Variants in TIAM1 observed in about 807,000 individuals in gnomAD.
TIAM1 encodes TIAM Rac1 associated GEF 1, also known as rho guanine nucleotide exchange factor TIAM1.
TIAM1 carries 65 observed loss-of-function variants against 163.5 expected under a neutral mutation model. That is an observed-to-expected ratio of 0.40 (90% CI 0.33 to 0.49). The LOEUF is 0.49. Ranked by LOEUF, TIAM1 falls within the 20% of genes least tolerant of loss-of-function variation. TIAM1 has a pLI of 0.77. For missense variants in TIAM1, 1,789 were observed against 2,044.7 expected, an observed-to-expected ratio of 0.87 and a Z score of 2.41; for synonymous variants, 833 against 810.1, an observed-to-expected ratio of 1.03 and a Z score of -0.48.
At chr21:31,526,489 AG>A (rs1241507205) in intron 1 of TIAM1, among the ~76,000 whole-genome samples, 1 of 152,354 alleles carries the variant, frequency 6.6e-6, no homozygotes, top group East Asian at 1.9e-4. Context: ...GAACAGAAAA[AG>A]AATTGCTCAG....
At chr21:31,294,861 G>T (rs928626118) in intron 2 of TIAM1, among the ~76,000 whole-genome samples, 1 of 152,172 alleles carries the variant, frequency 6.6e-6, no homozygotes, top group Non-Finnish European at 1.5e-5. Context: ...CGGCCTGAAC[G>T]CATGTTGGCA....
chr21:31,544,288 AG>A (rs1199391024), intron 1 of TIAM1, among the ~76,000 whole-genome samples: 1 of 151,090 alleles, frequency 6.6e-6, no homozygotes, highest in Non-Finnish European at 1.5e-5. Flanking sequence ...TGGGAGGCCC[AG>A]GTAGGCAGAT....
chr21:31,206,961 A>C (rs964305956), intron 11 of TIAM1, among the ~76,000 whole-genome samples: 5 of 152,202 alleles, frequency 3.3e-5, no homozygotes, highest in South Asian at 2.1e-4. Flanking sequence ...ACAAAGTGCT[A>C]TTGTAGAATT....
intron 1 of TIAM1, among the ~76,000 whole-genome samples, chr21:31,469,336 AG>A (rs2045653840): frequency 1.3e-5 from 2 of 152,066 alleles, no homozygotes; most frequent in East Asian, 3.9e-4. Context: ...CCAGGGCTCA[AG>A]CAATCCTCCT....
chr21:31,257,840 G>T (rs1601727281), intron 4 of TIAM1, among the ~76,000 whole-genome samples: 1 of 152,084 alleles, frequency 6.6e-6, no homozygotes, highest in South Asian at 2.1e-4. Flanking sequence ...ACAACCAGAA[G>T]GCTTCTCTGT....
chr21:31,245,398 GCAGT>G (rs1601686822), intron 6 of TIAM1, 86 bp downstream of exon 6: 2 of 421,882 alleles, frequency 4.7e-6, no homozygotes, highest in Non-Finnish European at 7.1e-6. Context: ...AAAAAAAAAA[GCAGT>G]GGAGGGAGAC....
intron 2 of TIAM1, among the ~76,000 whole-genome samples, chr21:31,401,579 C>T (rs1328629558): frequency 6.6e-6 from 1 of 152,172 alleles, no homozygotes; most frequent in Non-Finnish European, 1.5e-5. Flanking sequence ...CCTTGCATCC[C>T]AGCAGAAGCT....
chr21:31,458,593 CT>C (rs1173374440), intron 2 of TIAM1, among the ~76,000 whole-genome samples: 1 of 152,166 alleles, frequency 6.6e-6, no homozygotes, highest in Admixed American at 6.5e-5. Context: ...CTTAGCAGAC[CT>C]GTCTCTGAAT....
chr21:31,420,615 T>C (rs1197506207), intron 2 of TIAM1, among the ~76,000 whole-genome samples: 4 of 152,220 alleles, frequency 2.6e-5, no homozygotes, highest in Non-Finnish European at 5.9e-5. Flanking sequence ...TCTACATCAC[T>C]GTTAGTGTTG....
At chr21:31,152,598 T>TA (rs2083431877) in intron 19 of TIAM1, 38 bp downstream of exon 19, 1 of 1,612,052 alleles carries the variant, frequency 6.2e-7, no homozygotes, top group African/African-American at 1.3e-5. Context: ...TGAGCCACAC[T>TA]ATAGCCCTGA....
chr21:31,295,193 A>G (rs192856875), intron 2 of TIAM1, among the ~76,000 whole-genome samples: 20 of 152,294 alleles, frequency 1.3e-4, no homozygotes, highest in South Asian at 2.1e-4. Flanking sequence ...TTAAAGGGCC[A>G]GGTGCGGTGG....
chr21:31,182,684 A>AT, intron 14 of TIAM1, 39 bp from the exon 15 acceptor site: 2 of 1,584,034 alleles, frequency 1.3e-6, no homozygotes, highest in South Asian at 2.3e-5. Context: ...TTTCACACAC[A>AT]TTATCAGAAC....
chr21:31,407,548 G>T (rs2077267426), intron 2 of TIAM1, among the ~76,000 whole-genome samples: 1 of 151,970 alleles, frequency 6.6e-6, no homozygotes, highest in African/African-American at 2.4e-5. Flanking sequence ...AAAGTCCGTG[G>T]CTCGACCCAT....
chr21:31,350,070 A>G (rs2147114904), intron 2 of TIAM1, among the ~76,000 whole-genome samples: 1 of 152,318 alleles, frequency 6.6e-6, no homozygotes, highest in African/African-American at 2.4e-5. Flanking sequence ...TATTTTGGCA[A>G]AAAGTACAGT....
At chr21:31,523,953 C>T (rs1308196289) in intron 1 of TIAM1, among the ~76,000 whole-genome samples, 1 of 150,970 alleles carries the variant, frequency 6.6e-6, no homozygotes, top group Non-Finnish European at 1.5e-5. Flanking sequence ...ACTCTGCCTG[C>T]TCTGCAGGCA....
At chr21:31,348,437 T>TA (rs1366616739), upstream of TIAM1, among the ~76,000 whole-genome samples, 1 of 152,224 alleles carries the variant, frequency 6.6e-6, no homozygotes, top group African/African-American at 2.4e-5. Context: ...TGTTAGGTGA[T>TA]ACGCAACAGG....
chr21:31,220,992 A>G (rs949828458), intron 8 of TIAM1, among the ~76,000 whole-genome samples: 3 of 152,148 alleles, frequency 2.0e-5, no homozygotes, highest in Non-Finnish European at 1.5e-5. Context: ...TAGCTCCCCA[A>G]TCTACCCAGC....
intron 2 of TIAM1, among the ~76,000 whole-genome samples, chr21:31,355,295 G>C (rs2076297282): frequency 6.6e-6 from 1 of 152,076 alleles, no homozygotes; most frequent in Non-Finnish European, 1.5e-5. Context: ...TTGGCCTTTG[G>C]CATGAATATG....
At chr21:31,452,603 A>C in intron 2 of TIAM1, 1 of 556,714 alleles carries the variant, frequency 1.8e-6, no homozygotes, top group Non-Finnish European at 3.3e-6. Context: ...GCACTAAGTT[A>C]TGTGCACCAA....
Sources: allele counts gnomAD v4.1 joint callset (sites outside exome capture counted in the v4.1 genomes callset), GRCh38; gene constraint gnomAD v4.1.1; transcripts MANE v1.5; gene names NCBI Gene and HGNC (gene_info 2026-07-23, HGNC 2026-07-21).